TRAF5: variants seen among roughly 807,000 people sequenced by gnomAD.
TRAF5 encodes the protein TNF receptor associated factor 5.
A neutral mutation model predicts 64.5 loss-of-function variants in TRAF5; 48 were observed. The ratio of observed to expected loss-of-function variants is 0.74; its 90% CI spans 0.59 to 0.95. The LOEUF is 0.95. Ranked by LOEUF, TRAF5 falls within the 40% of genes least tolerant of loss-of-function variation. The probability of loss-of-function intolerance (pLI) is 0.00; values close to 1 mark genes in which losing one functional copy is unlikely to be tolerated. For synonymous variants in TRAF5, 206 were observed against 240.5 expected (o/e 0.86, Z 1.33); for missense variants, 545 against 662.8 (o/e 0.82, Z 1.95).
chr1:211,372,799 C>G lies in TRAF5; in HGVS notation c.*97C>G, dbSNP rs974777310. 22 of 1,143,080 alleles carry G rather than the reference C, an allele frequency of 1.9e-5. No individual in the cohort carries two copies. Among genetic ancestry groups the G allele is most frequent in the African/African-American group, 3.1e-5 (2 of 64,344 alleles). The allele number at this position is 1,143,080 out of a possible 1,614,324, so 70.8% of individuals were successfully genotyped here. A position where few individuals can be genotyped will look rare whatever the true frequency, so the allele number is the denominator to read the frequency against. On this transcript the variant is annotated 3_prime_UTR_variant, in exon 11 of 11. Coordinates refer to ENST00000261464, the MANE Select transcript of TRAF5 (RefSeq NM_001033910.3). ...TTGACCTGGATTTAGACTCAAAGCA[C>G]ATTTGTATTTGCCTTTTTCCTTAAC...
chr1:211,369,808 CT>C (rs892698090), intron 9 of TRAF5, among the ~76,000 whole-genome samples: 5 of 152,000 alleles, frequency 3.3e-5, no homozygotes, highest in Non-Finnish European at 7.4e-5. Flanking sequence ...TCCACTGCTC[CT>C]CCCCCGACGT....
At position 211,372,609 on chromosome 1, in the gene TRAF5, T is replaced by TTC. The variant is rs774202628; in HGVS notation, c.1583_1584dup (p.Val529LeufsTer18). 6.2e-7 allele frequency: 1 copy of TTC among 1,614,202 alleles called. No homozygotes were observed. Among genetic ancestry groups the TTC allele is most frequent in the South Asian group, 1.1e-5 (1 of 91,082 alleles). ...CTGGCTGTCCCCGCTTTGTGGCTCATTCTGTTTTGGAGAATGCCAAGAACG... is the reference window on the plus strand; with the variant it reads ...CTGGCTGTCCCCGCTTTGTGGCTCATTCTCTGTTTTGGAGAATGCCAAGAACG... On this transcript the variant is annotated frameshift_variant, in exon 11 of 11. Transcript: ENST00000261464. LOFTEE classifies it high-confidence loss of function.
intron 1 of TRAF5, among the ~76,000 whole-genome samples, chr1:211,332,412 G>T (rs1378760466): frequency 6.6e-6 from 1 of 152,162 alleles, no homozygotes; most frequent in Non-Finnish European, 1.5e-5. Context: ...GTATGGCTTA[G>T]AACAGCCAGG....
intron 8 of TRAF5, among the ~76,000 whole-genome samples, chr1:211,367,456 T>A (rs1399904917): frequency 6.6e-6 from 1 of 152,196 alleles, no homozygotes; most frequent in Non-Finnish European, 1.5e-5. Context: ...ATAGTTAAGC[T>A]AGTAGTACAA....
chr1:211,366,524 C>T (rs1703360578), intron 8 of TRAF5, among the ~76,000 whole-genome samples: 1 of 152,168 alleles, frequency 6.6e-6, no homozygotes, highest in African/African-American at 2.4e-5. Flanking sequence ...CATGCTGTAA[C>T]TCAGTCTGGG....
chr1:211,338,076 A>G (rs1205997593), intron 1 of TRAF5, among the ~76,000 whole-genome samples: 1 of 152,138 alleles, frequency 6.6e-6, no homozygotes, highest in Admixed American at 6.5e-5. Context: ...TCCAAGAGAT[A>G]AGAGAAGGTG....
intron 3 of TRAF5, among the ~76,000 whole-genome samples, chr1:211,355,627 A>T (rs1702937580): frequency 6.6e-6 from 1 of 152,186 alleles, no homozygotes; most frequent in Non-Finnish European, 1.5e-5. Context: ...GGGTTGGCAT[A>T]CTACAGTCTT....
At chr1:211,350,907 C>CGCCATGTT (rs1304461085) in intron 1 of TRAF5, among the ~76,000 whole-genome samples, 1 of 152,060 alleles carries the variant, frequency 6.6e-6, no homozygotes. Flanking sequence ...GAGGAGGTCT[C>CGCCATGTT]GCCATGTTGC....
At chr1:211,346,298 C>A in intron 1 of TRAF5, 1 of 924,738 alleles carries the variant, frequency 1.1e-6, no homozygotes, top group Non-Finnish European at 1.3e-6. Flanking sequence ...TTCTTCTGTC[C>A]TTGGAGGGAC....
rs912139415 is a variant in TRAF5 at position 211,374,397 on chromosome 1, T to A, written c.*1695T>A. 3 of 152,426 alleles carry A rather than the reference T, an allele frequency of 2.0e-5. No individual in the cohort carries two copies. Among genetic ancestry groups the A allele is most frequent in the South Asian group, 4.1e-4 (2 of 4,834 alleles). 9.4% of individuals were successfully genotyped at this position (152,426 alleles called of 1,614,324 possible). On this transcript the variant is annotated 3_prime_UTR_variant, in exon 11 of 11. Coordinates refer to ENST00000261464, the MANE Select transcript of TRAF5 (RefSeq NM_001033910.3). ...ATGCACCTTACAATTTCTGAACAGT[T>A]AACCCTATAGAAGCATGCTTTATAT...
intron 1 of TRAF5, among the ~76,000 whole-genome samples, chr1:211,350,758 A>G (rs1702761657): frequency 6.6e-6 from 1 of 152,216 alleles, no homozygotes; most frequent in African/African-American, 2.4e-5. Context: ...GGTTTCTGAC[A>G]GTTCTGGAAG....
chr1:211,365,242 C>G (rs1703312862), intron 7 of TRAF5, 134 bp from the exon 8 acceptor site: 1 of 660,196 alleles, frequency 1.5e-6, no homozygotes, highest in African/African-American at 1.9e-5. Context: ...TGCAACCCAC[C>G]TAGAGACTGG....
At chr1:211,352,459 AAAGT>A (rs1218725134) in intron 1 of TRAF5, among the ~76,000 whole-genome samples, 1 of 150,628 alleles carries the variant, frequency 6.6e-6, no homozygotes, top group East Asian at 1.9e-4. Flanking sequence ...AAAAAAAAAA[AAAGT>A]TTTTTTTTTT....
At chr1:211,360,209 CT>C in intron 5 of TRAF5, 133 bp downstream of exon 5, 1 of 998,964 alleles carries the variant, frequency 1.0e-6, no homozygotes, top group Non-Finnish European at 1.4e-6. Context: ...AAAGAATTTG[CT>C]TTTTGGAGAG....
chr1:211,368,824 G>C (rs41307648), intron 8 of TRAF5: 1 of 152,064 alleles, frequency 6.6e-6, no homozygotes, highest in Non-Finnish European at 1.5e-5. Context: ...CTCTACCTCT[G>C]TTTCCTCATC....
In TRAF5 at chr1:211,365,504, A is replaced by G. The variant is rs764669116; in HGVS notation, c.789+36A>G. The G allele has an allele frequency of 6.4e-6, 10 of 1,550,712 alleles. 1 individual carries two copies. In the South Asian group the frequency reaches 1.1e-4, roughly 18 times the overall value. ...AAAGGTTCAAATAAAAAGTGAGGCA[A>G]CAGAATTGCTGGGATTTACCTGCTC... On this transcript the variant is annotated intron_variant, in intron 8 of 10. Transcript: ENST00000261464.
intron 7 of TRAF5, among the ~76,000 whole-genome samples, chr1:211,364,533 A>G (rs1204103935): frequency 6.6e-6 from 1 of 151,998 alleles, no homozygotes; most frequent in South Asian, 2.1e-4. Flanking sequence ...TAAAAATACA[A>G]AAATTAGCCA....
rs143766053 is a variant in TRAF5 at position 211,362,478 on chromosome 1, G to A, written c.696+1316G>A. ...GTGGATCATTTGAAGTCAGGAGTTCGAGAGCAGCCTGGCCAACATGGTGAA... is the reference window on the plus strand; with the variant it reads ...GTGGATCATTTGAAGTCAGGAGTTCAAGAGCAGCCTGGCCAACATGGTGAA... On this transcript the variant is annotated intron_variant, in intron 7 of 10. Coordinates refer to ENST00000261464, the MANE Select transcript of TRAF5 (RefSeq NM_001033910.3). Among the ~76,000 whole-genome samples, 839 of 152,108 alleles carry A rather than the reference G, an allele frequency of 5.5e-3. 4 individuals carry two copies. The highest frequency in any genetic ancestry group is 0.019 in the African/African-American group (801 of 41,518).
rs200020406 is a variant in TRAF5 at position 211,372,151 on chromosome 1, A to G, written c.1123A>G (p.Lys375Glu). 1 of 1,592,060 alleles carries G rather than the reference A, an allele frequency of 6.3e-7. No individual in the cohort carries two copies. The highest frequency in any genetic ancestry group is 1.8e-5 in the Admixed American group (1 of 56,616). Residue 375 changes from lysine (K) to glutamate (E), a missense_variant, in exon 11 of 11, where the codon AAA becomes GAA. Coordinates refer to ENST00000261464, the MANE Select transcript of TRAF5 (RefSeq NM_001033910.3). ...AGCCGTTTTAGAAGAGGAAACTAAC[A>G]AACATGATACCCACATTAATATTCA... ...RLAVLEEETN[K>E]HDTHINIHKA...
Sources: gnomAD v4.1 joint callset for allele counts (sites outside exome capture counted in the v4.1 genomes callset) on GRCh38, gnomAD v4.1.1 for gene constraint, MANE v1.5 for transcripts, NCBI Gene and HGNC (gene_info 2026-07-23, HGNC 2026-07-21) for gene names.